DGKB: variants seen among roughly 807,000 people sequenced by gnomAD.
The protein encoded by DGKB is diacylglycerol kinase beta, also known as 90 kDa diacylglycerol kinase.
A neutral mutation model predicts 114.3 loss-of-function variants in DGKB; 67 were observed. That is an observed-to-expected ratio of 0.59 (90% CI 0.48 to 0.72). The LOEUF is 0.72. DGKB is among the 30% of genes least tolerant of loss of function. DGKB has a pLI of 0.00. For missense variants in DGKB, 907 were observed against 975.2 expected (o/e 0.93, Z 0.93); for synonymous variants, 398 against 323.1 (o/e 1.23, Z -2.49).
chr7:14,460,246 C>T (rs1224901600), intron 21 of DGKB, among the ~76,000 whole-genome samples: 2 of 152,018 alleles, frequency 1.3e-5, no homozygotes, highest in East Asian at 3.9e-4. Context: ...TCACACATAA[C>T]AATATTAACC....
intron 7 of DGKB, among the ~76,000 whole-genome samples, chr7:14,699,999 G>C (rs1167000544): frequency 6.6e-6 from 1 of 151,428 alleles, no homozygotes; most frequent in Admixed American, 6.6e-5. Context: ...AATTAAAAAA[G>C]AAACATTAAA....
intron 20 of DGKB, among the ~76,000 whole-genome samples, chr7:14,559,384 G>A (rs951378666): frequency 6.6e-6 from 1 of 152,098 alleles, no homozygotes; most frequent in African/African-American, 2.4e-5. Flanking sequence ...AGGGGGCACA[G>A]CGTAGAGGGT....
intron 6 of DGKB, among the ~76,000 whole-genome samples, chr7:14,712,022 C>T (rs1405795524): frequency 6.6e-6 from 1 of 152,022 alleles, no homozygotes; most frequent in Non-Finnish European, 1.5e-5. Flanking sequence ...AACAACAAAG[C>T]AGGGAGGAGG....
chr7:14,514,158 C>A lies in DGKB; in HGVS notation c.1771-35933G>T, dbSNP rs73285851. ...ATCACAAGGCTTTTATAGTTCTATC[C>A]AATGAAATTATTTTTATAATCTCTT... is the stretch of plus-strand genomic sequence containing the variant. On this transcript the variant is annotated intron_variant, in intron 20 of 25. Coordinates refer to ENST00000402815, the MANE Select transcript of DGKB (RefSeq NM_001350709.2). 7.3e-4 allele frequency among the ~76,000 whole-genome samples: 111 copies of A among 152,020 alleles called. 1 individual carries two copies. Among genetic ancestry groups the A allele is most frequent in the African/African-American group, 2.3e-3 (95 of 41,514 alleles).
At chr7:14,679,899 A>C (rs149375365) in intron 12 of DGKB, among the ~76,000 whole-genome samples, 1 of 152,134 alleles carries the variant, frequency 6.6e-6, no homozygotes, top group Admixed American at 6.6e-5. Context: ...ATAATTAAGT[A>C]AATGTGTCCC....
chr7:14,262,635 G>C (rs1224857159), intron 23 of DGKB, among the ~76,000 whole-genome samples: 1 of 152,142 alleles, frequency 6.6e-6, no homozygotes, highest in Non-Finnish European at 1.5e-5. Context: ...ACTGTTCCTA[G>C]AAGAATAGCT....
intron 2 of DGKB, among the ~76,000 whole-genome samples, chr7:14,787,155 C>T (rs1158103044): frequency 6.6e-6 from 1 of 152,154 alleles, no homozygotes; most frequent in Non-Finnish European, 1.5e-5. Flanking sequence ...CCTCATTCTT[C>T]CCAGATACGG....
At chr7:14,961,541 T>C (rs1786843674) in intron 1 of DGKB, among the ~76,000 whole-genome samples, 2 of 152,098 alleles carry the variant, frequency 1.3e-5, no homozygotes, top group South Asian at 4.1e-4. Flanking sequence ...ATCTGAAAAG[T>C]GTGGTTGGGA....
At chr7:14,851,918 A>T (rs529048813) in intron 1 of DGKB, among the ~76,000 whole-genome samples, 63 of 152,274 alleles carry the variant, frequency 4.1e-4, no homozygotes, top group Non-Finnish European at 7.8e-4. Flanking sequence ...CTGTCTGCCT[A>T]GTAGCCCCAT....
intron 25 of DGKB, among the ~76,000 whole-genome samples, chr7:14,174,389 A>G (rs538395729): frequency 9.0e-4 from 137 of 152,312 alleles, no homozygotes; most frequent in Non-Finnish European, 1.6e-3. Context: ...AGTGTCTCCA[A>G]CTGGATGTAC....
intron 13 of DGKB, among the ~76,000 whole-genome samples, chr7:14,653,413 C>A (rs185024291): frequency 6.6e-6 from 1 of 151,936 alleles, no homozygotes; most frequent in Non-Finnish European, 1.5e-5. Context: ...GAACAAAAAA[C>A]CAAACACCGC....
chr7:14,769,722 G>C (rs926154540), intron 2 of DGKB, among the ~76,000 whole-genome samples: 1 of 151,864 alleles, frequency 6.6e-6, no homozygotes, highest in African/African-American at 2.4e-5. Context: ...TTTTCTGAAG[G>C]CTCTCATAGG....
At chr7:14,193,796 A>G (rs1218694657) in intron 23 of DGKB, among the ~76,000 whole-genome samples, 1 of 152,106 alleles carries the variant, frequency 6.6e-6, no homozygotes, top group Non-Finnish European at 1.5e-5. Flanking sequence ...TATACTTCTA[A>G]CAAGGAGTTA....
At chr7:14,905,465 C>T (rs1011112215), upstream of DGKB, among the ~76,000 whole-genome samples, 1 of 152,050 alleles carries the variant, frequency 6.6e-6, no homozygotes, top group Non-Finnish European at 1.5e-5. Context: ...CTCCAAGATG[C>T]TTCTCTGCTC....
At chr7:14,764,937 A>C (rs1430024668) in intron 2 of DGKB, among the ~76,000 whole-genome samples, 1 of 151,986 alleles carries the variant, frequency 6.6e-6, no homozygotes, top group Admixed American at 6.6e-5. Context: ...GCAGCAGAAA[A>C]TAAATACCTA....
intron 7 of DGKB, among the ~76,000 whole-genome samples, chr7:14,699,138 A>AT (rs948386927): frequency 2.0e-5 from 3 of 151,778 alleles, no homozygotes; most frequent in South Asian, 2.1e-4. Flanking sequence ...AGAAAAAAAA[A>AT]ATATAATTAT....
At chr7:14,757,196 C>A (rs924276647) in intron 3 of DGKB, among the ~76,000 whole-genome samples, 2 of 152,038 alleles carry the variant, frequency 1.3e-5, no homozygotes, top group African/African-American at 2.4e-5. Flanking sequence ...AAAGGGGTAA[C>A]TCCCTACCCC....
At chr7:14,898,725 T>C (rs544099557) in intron 1 of DGKB, among the ~76,000 whole-genome samples, 1 of 152,192 alleles carries the variant, frequency 6.6e-6, no homozygotes, top group Non-Finnish European at 1.5e-5. Context: ...ACAATGTGAA[T>C]GTATTTGCAA....
intron 20 of DGKB, among the ~76,000 whole-genome samples, chr7:14,529,030 C>T (rs1791114879): frequency 6.6e-6 from 1 of 151,894 alleles, no homozygotes; most frequent in Non-Finnish European, 1.5e-5. Context: ...TACTGGGACC[C>T]AAGTTGGAGT....
Sources: gnomAD v4.1 joint callset for allele counts (sites outside exome capture counted in the v4.1 genomes callset) on GRCh38, gnomAD v4.1.1 for gene constraint, MANE v1.5 for transcripts, NCBI Gene and HGNC (gene_info 2026-07-23, HGNC 2026-07-21) for gene names.